QSOX1: variants seen among roughly 807,000 people sequenced by gnomAD.
QSOX1 encodes the protein quiescin sulfhydryl oxidase 1, also known as sulfhydryl oxidase 1.
QSOX1 carries 40 observed loss-of-function variants against 76.1 expected under a neutral mutation model. The ratio of observed to expected loss-of-function variants is 0.53; its 90% CI spans 0.41 to 0.68. QSOX1 has a LOEUF of 0.68. Among genes scored for constraint, QSOX1 ranks in the 30% least tolerant of loss-of-function variants. The pLI is 0.00. For synonymous variants in QSOX1, 392 were observed against 413.1 expected, an observed-to-expected ratio of 0.95 and a Z score of 0.62; for missense variants, 931 against 974.3, an observed-to-expected ratio of 0.96 and a Z score of 0.59.
chr1:180,183,823 A>ATGAGCCACCCTTCTTCCTCTTC (rs1663100120), intron 6 of QSOX1, 93 bp from the exon 7 acceptor site: 1 of 1,377,722 alleles, frequency 7.3e-7, no homozygotes, highest in African/African-American at 1.5e-5. Flanking sequence ...TTCCTGTCCG[A>ATGAGCCACCCTTCTTCCTCTTC]TGAGCCACCC....
intron 2 of QSOX1, 41 bp from the exon 3 acceptor site, chr1:180,175,280 C>G: frequency 6.2e-7 from 1 of 1,606,294 alleles, no homozygotes; most frequent in Non-Finnish European, 8.5e-7. Context: ...CACTCTTGGC[C>G]ACTATCTATT....
intron 7 of QSOX1, among the ~76,000 whole-genome samples, chr1:180,184,557 A>G (rs1215434087): frequency 6.6e-6 from 1 of 152,210 alleles, no homozygotes; most frequent in Non-Finnish European, 1.5e-5. Flanking sequence ...CAGTGAGTTC[A>G]CTGCCTTTTC....
chr1:180,178,738 G>T (rs1313692065), intron 4 of QSOX1, 56 bp from the exon 5 acceptor site: 2 of 1,539,202 alleles, frequency 1.3e-6, no homozygotes, highest in Non-Finnish European at 1.8e-6. Context: ...GTTGCCAGCG[G>T]TTTTGTCTTA....
chr1:180,186,114 G>C lies in QSOX1; in HGVS notation c.949G>C (p.Gly317Arg). The part of the protein sequence containing the change: ...ALHYILRIEV[G>R]RFPVLEGQRL... Reference sequence around the variant, plus strand: ...GCACTACATCCTGCGGATAGAAGTGGGCAGGTTCCCGGTCCTGGAAGGGCA... The same window carrying C: ...GCACTACATCCTGCGGATAGAAGTGCGCAGGTTCCCGGTCCTGGAAGGGCA... Residue 317 changes from glycine to arginine, a missense_variant, in exon 8 of 12, where the codon GGC (glycine) becomes CGC (arginine). Physicochemically the swap from Gly to Arg is moderately radical, Grantham distance 125. Coordinates refer to ENST00000367602, the MANE Select transcript of QSOX1 (RefSeq NM_002826.5). The C allele has an allele frequency of 1.2e-6, 2 of 1,614,236 alleles. No individual in the cohort carries two copies. Among genetic ancestry groups the C allele is most frequent in the Non-Finnish European group, 1.7e-6 (2 of 1,180,026 alleles).
Position 180,171,833 on chromosome 1 carries a change from G to A in QSOX1, c.367-3488G>A, listed in dbSNP as rs534422259. Among the ~76,000 whole-genome samples, 34 of 152,300 alleles carry A rather than the reference G, an allele frequency of 2.2e-4. No homozygotes were observed. In the South Asian group the frequency reaches 7.0e-3, roughly 32 times the overall value. On this transcript the variant is annotated intron_variant, in intron 2 of 11. Transcript: ENST00000367602. ...GTGTCAAGCCAACCAGGGGAGGGTG[G>A]CAACGTGAAAGCAACAAAGGAGAGC...
rs1001219503 is a variant in QSOX1, at chr1:180,198,384, G to A, written c.*1347G>A. ...GTCAGAGCTGCAGGGTTGGCCACTC[G>A]GTGGGGAGGAGTCAGCCAGGATTAG... On this transcript the variant is annotated 3_prime_UTR_variant, in exon 12 of 12. Transcript: ENST00000367602. The A allele has an allele frequency of 2.2e-6, 1 of 456,764 alleles. No homozygotes were observed. Among genetic ancestry groups the A allele is most frequent in the Non-Finnish European group, 4.4e-6 (1 of 226,972 alleles). 28.3% of individuals were successfully genotyped at this position (456,764 alleles called of 1,614,324 possible). A position where few individuals can be genotyped will look rare whatever the true frequency, so the allele number is the denominator to read the frequency against.
intron 5 of QSOX1, among the ~76,000 whole-genome samples, chr1:180,180,251 C>T (rs796576068): frequency 3.3e-5 from 5 of 152,352 alleles, no homozygotes; most frequent in African/African-American, 1.2e-4. Flanking sequence ...ACTCTTGTTG[C>T]CCAGGCTGGA....
chr1:180,186,658 T>C (rs1331992762), intron 8 of QSOX1, among the ~76,000 whole-genome samples: 1 of 152,240 alleles, frequency 6.6e-6, no homozygotes, highest in Non-Finnish European at 1.5e-5. Flanking sequence ...TCCTTTATAG[T>C]TTCCCCGGGA....
At chr1:180,171,444 G>T (rs962429349) in intron 2 of QSOX1, among the ~76,000 whole-genome samples, 1 of 152,086 alleles carries the variant, frequency 6.6e-6, no homozygotes, top group Non-Finnish European at 1.5e-5. Flanking sequence ...TGGGGATGGT[G>T]GGGGAGGGGC....
rs1197787154 is a variant in QSOX1 at position 180,196,525 on chromosome 1, CTG to C, written c.1733_1734del (p.Leu578ArgfsTer6). 1 of 1,614,216 alleles carries C rather than the reference CTG, an allele frequency of 6.2e-7. No individual in the cohort carries two copies. Among genetic ancestry groups the C allele is most frequent in the African/African-American group, 1.3e-5 (1 of 75,056 alleles). Reference sequence around the variant, plus strand: ...GGAGCTGGAAAGCCGGAATTCAACTCTGGACCCTGGGAAGCCTGAGATGATGA... The same window carrying C: ...GGAGCTGGAAAGCCGGAATTCAACTCGACCCTGGGAAGCCTGAGATGATGA... The part of the protein sequence containing the change: ...ALELESRNST[L>X]DPGKPEMMKS... On this transcript the variant is annotated frameshift_variant, in exon 12 of 12. Coordinates refer to ENST00000367602, the MANE Select transcript of QSOX1 (RefSeq NM_002826.5). LOFTEE classifies it high-confidence loss of function. This position sits in a 1 kb window ranked among gnomAD's most constrained non-coding sequence, Gnocchi z 4.1.
At chr1:180,169,324 G>A (rs990593891) in intron 2 of QSOX1, among the ~76,000 whole-genome samples, 11 of 152,140 alleles carry the variant, frequency 7.2e-5, no homozygotes, top group Admixed American at 3.9e-4. Flanking sequence ...TTTTATGGCC[G>A]AAGGCCTGGC....
chr1:180,171,448 G>T (rs1327944171), intron 2 of QSOX1, among the ~76,000 whole-genome samples: 3 of 152,050 alleles, frequency 2.0e-5, no homozygotes, highest in Admixed American at 1.3e-4. Flanking sequence ...GATGGTGGGG[G>T]AGGGGCAGTA....
chr1:180,167,865 A>T (rs1454009282), intron 2 of QSOX1, among the ~76,000 whole-genome samples: 1 of 152,208 alleles, frequency 6.6e-6, no homozygotes, highest in Non-Finnish European at 1.5e-5. Flanking sequence ...TGTAATTGAG[A>T]ATATTCAAAC....
At position 180,201,890 on chromosome 1, in the gene QSOX1, G is replaced by C. The variant is rs1663643610; in HGVS notation, c.*4853G>C. On this transcript the variant is annotated 3_prime_UTR_variant, in exon 12 of 12. Transcript: ENST00000367602. ...TGCTGCAGAGGAGGCCCCACTCGCA[G>C]CCTTGGCCTCTGCCCTGCAGAAGAA... is the stretch of plus-strand genomic sequence containing the variant. 6.6e-6 allele frequency: 1 copy of C among 152,284 alleles called. No individual in the cohort carries two copies. Among genetic ancestry groups the C allele is most frequent in the African/African-American group, 2.4e-5 (1 of 41,458 alleles). 9.4% of individuals were successfully genotyped at this position (152,284 alleles called of 1,614,324 possible).
chr1:180,162,807 TCA>T (rs1246804171), intron 1 of QSOX1, among the ~76,000 whole-genome samples: 11 of 152,286 alleles, frequency 7.2e-5, no homozygotes, highest in African/African-American at 2.6e-4. Flanking sequence ...CACTGTGAAG[TCA>T]CAGTCATTCA....
chr1:180,172,761 C>T (rs60022752), intron 2 of QSOX1, among the ~76,000 whole-genome samples: 18,936 of 152,128 alleles, frequency 0.12, 1,787 homozygotes, highest in African/African-American at 0.26. Context: ...TCAAGTGATC[C>T]GCCCACCTCG....
intron 5 of QSOX1, among the ~76,000 whole-genome samples, chr1:180,180,842 T>TA (rs1039179376): frequency 1.3e-5 from 2 of 152,190 alleles, no homozygotes; most frequent in Non-Finnish European, 2.9e-5. Context: ...AGTAAACACT[T>TA]ATGTACCTAC....
At chr1:180,166,444 G>C (rs774585941) in intron 1 of QSOX1, 47 bp from the exon 2 acceptor site, 6 of 1,500,520 alleles carry the variant, frequency 4.0e-6, no homozygotes, top group Non-Finnish European at 5.6e-6. Context: ...GCGGGCAGAG[G>C]GGGTACCAGC....
Position 180,196,863 on chromosome 1 carries a change from T to TGGACGG in QSOX1, c.2073_2078dup (p.Arg694_Gly695dup). On this transcript the variant is annotated inframe_insertion, in exon 12 of 12. Coordinates refer to ENST00000367602, the MANE Select transcript of QSOX1 (RefSeq NM_002826.5). This position sits in a 1 kb window ranked among gnomAD's most constrained non-coding sequence, Gnocchi z 4.1. ...CTGAGGGCCAGCTGGAGGCCCGAGC[T>TGGACGG]GGACGGGGCCGAGGCCAGTGGCTGC... The TGGACGG allele has an allele frequency of 1.2e-6, 2 of 1,601,366 alleles. No individual in the cohort carries two copies. Among genetic ancestry groups the TGGACGG allele is most frequent in the South Asian group, 2.2e-5 (2 of 89,644 alleles).
Sources: gnomAD v4.1 joint callset for allele counts (sites outside exome capture counted in the v4.1 genomes callset) on GRCh38, gnomAD v4.1.1 for gene constraint, Gnocchi (gnomAD v3.1) non-coding constraint, MANE v1.5 for transcripts, NCBI Gene and HGNC (gene_info 2026-07-23, HGNC 2026-07-21) for gene names.